The following CFAP221 variants were observed in gnomAD, a reference collection of about 807,000 sequenced individuals.
CFAP221 encodes cilia- and flagella-associated protein 221.
CFAP221 carries 97 observed loss-of-function variants against 113.1 expected under a neutral mutation model. That is an observed-to-expected ratio of 0.86 (90% CI 0.73 to 1.02). The LOEUF (loss-of-function observed/expected upper bound fraction) is 1.02, where lower values mean the gene tolerates loss of function less well. Among genes scored for constraint, CFAP221 ranks in the 50% least tolerant of loss-of-function variants. The pLI, the probability that CFAP221 is intolerant of heterozygous loss-of-function variation, is 0.00. For missense variants in CFAP221, 1,025 were observed against 1,013.4 expected, an observed-to-expected ratio of 1.01 and a Z score of -0.16; for synonymous variants, 331 against 354.4, an observed-to-expected ratio of 0.93 and a Z score of 0.74.
At chr2:119,582,978 A>T (rs934320465) in intron 6 of CFAP221, among the ~76,000 whole-genome samples, 5 of 152,180 alleles carry the variant, frequency 3.3e-5, no homozygotes, top group African/African-American at 1.2e-4. Context: ...AACAAATGAA[A>T]ACCTATTAAA....
At chr2:119,582,500 G>A (rs1682920384) in intron 6 of CFAP221, among the ~76,000 whole-genome samples, 1 of 149,102 alleles carries the variant, frequency 6.7e-6, no homozygotes, top group African/African-American at 2.5e-5. Context: ...CTGTCACCCA[G>A]GCTGGAGTGC....
intron 19 of CFAP221, among the ~76,000 whole-genome samples, chr2:119,636,445 A>C (rs994340731): frequency 2.0e-5 from 3 of 152,342 alleles, no homozygotes; most frequent in Admixed American, 2.0e-4. Context: ...TGTGTGTACC[A>C]TTTCAAGTCA....
chr2:119,578,064 G>C (rs997311134), intron 6 of CFAP221, among the ~76,000 whole-genome samples: 4 of 152,188 alleles, frequency 2.6e-5, no homozygotes, highest in Non-Finnish European at 4.4e-5. Context: ...TGGGAGCTCA[G>C]ATGGCCTGAG....
intron 6 of CFAP221, among the ~76,000 whole-genome samples, chr2:119,566,866 AT>A (rs1166764506): frequency 6.6e-6 from 1 of 151,204 alleles, no homozygotes; most frequent in Non-Finnish European, 1.5e-5. Context: ...TTTAGATTTT[AT>A]TTTTATTGTA....
At position 119,562,258 on chromosome 2, in the gene CFAP221, A is replaced by T. The variant is rs575939281; in HGVS notation, c.527+144A>T. ...GGACTTGTCATTGTAAAAGGCAAAAAAAAAAAAAGCAAAAGCAAAAACCAA... is the reference window on the plus strand; with the variant it reads ...GGACTTGTCATTGTAAAAGGCAAAATAAAAAAAAGCAAAAGCAAAAACCAA... On this transcript the variant is annotated intron_variant, in intron 6 of 23. Transcript: ENST00000413369. The T allele has an allele frequency of 1.7e-5, 10 of 583,814 alleles. 1 individual carries two copies. The highest frequency in any genetic ancestry group is 1.6e-4 in the South Asian group (6 of 37,034). The allele number at this position is 583,814 out of a possible 1,614,324, so 36.2% of individuals were successfully genotyped here.
rs1449345829 is a variant in CFAP221, at chr2:119,556,640, A to G, written c.241-3049A>G. On this transcript the variant is annotated intron_variant, in intron 3 of 23. Coordinates refer to ENST00000413369, the MANE Select transcript of CFAP221 (RefSeq NM_001271049.2). ...GCGATCTCAGCTCACTGCAACCTCC[A>G]CCTCCCAGTTCAAGCGATTCTCCTG... is the stretch of plus-strand genomic sequence containing the variant. 8.8e-5 allele frequency among the ~76,000 whole-genome samples: 13 copies of G among 148,224 alleles called. 1 individual carries two copies. The East Asian group carries it at 2.0e-3, about 23-fold the overall frequency.
At chr2:119,558,854 C>A (rs940962379) in intron 3 of CFAP221, among the ~76,000 whole-genome samples, 7 of 151,886 alleles carry the variant, frequency 4.6e-5, no homozygotes, top group African/African-American at 7.3e-5. Flanking sequence ...ACAACAACAA[C>A]AAAAAAACAC....
At chr2:119,586,779 G>A (rs1465394844) in intron 6 of CFAP221, 3 of 178,972 alleles carry the variant, frequency 1.7e-5, no homozygotes, top group Non-Finnish European at 2.3e-5. Context: ...TCGAGAGGTA[G>A]CAAGGACAGT....
In CFAP221 at chr2:119,639,774, C is replaced by T; in HGVS notation, c.2134-7C>T. On this transcript the variant is annotated splice_region_variant and splice_polypyrimidine_tract_variant and intron_variant, in intron 20 of 23. Transcript: ENST00000413369. ...AGTTGCTTCCCATGTGCTGACTTTC[C>T]TTACAGGACATTATTCCCGGAATAA... The T allele has an allele frequency of 6.2e-7, 1 of 1,612,564 alleles. No individual in the cohort carries two copies. Among genetic ancestry groups the T allele is most frequent in the South Asian group, 1.1e-5 (1 of 91,024 alleles).
intron 6 of CFAP221, among the ~76,000 whole-genome samples, chr2:119,579,552 T>C (rs755744499): frequency 2.6e-5 from 4 of 152,214 alleles, no homozygotes; most frequent in Non-Finnish European, 5.9e-5. Context: ...ACAGCAGTAG[T>C]GAAAGCAAAA....
chr2:119,592,022 A>G lies in CFAP221; in HGVS notation c.631+4800A>G, dbSNP rs1683631621. Among the ~76,000 whole-genome samples the G allele has an allele frequency of 4.6e-5, 7 of 152,340 alleles. No homozygotes were observed. In the South Asian group the frequency reaches 1.5e-3, roughly 32 times the overall value. On this transcript the variant is annotated intron_variant, in intron 7 of 23. Coordinates refer to ENST00000413369, the MANE Select transcript of CFAP221 (RefSeq NM_001271049.2). The stretch of plus-strand genomic sequence containing the variant: ...GTGTTTATTATATAAATATTAAAAC[A>G]CTGAAGAAAAGTACCAAATCCAAGT...
At chr2:119,553,371 G>T (rs980288460) in intron 3 of CFAP221, among the ~76,000 whole-genome samples, 3 of 152,200 alleles carry the variant, frequency 2.0e-5, no homozygotes, top group African/African-American at 4.8e-5. Context: ...TGGAGAAGGT[G>T]AGACATGTGG....
intron 13 of CFAP221, among the ~76,000 whole-genome samples, chr2:119,613,504 G>C (rs925542023): frequency 2.0e-5 from 3 of 152,196 alleles, no homozygotes; most frequent in African/African-American, 7.2e-5. Flanking sequence ...CTGGACTTCT[G>C]TGCACCTACA....
chr2:119,652,948 A>T (rs1688210632), intron 23 of CFAP221, among the ~76,000 whole-genome samples: 2 of 148,466 alleles, frequency 1.3e-5, no homozygotes, highest in Admixed American at 1.3e-4. Context: ...ATATATATTT[A>T]TATTTATATA....
At chr2:119,549,714 T>C (rs1680291179) in intron 3 of CFAP221, among the ~76,000 whole-genome samples, 1 of 152,188 alleles carries the variant, frequency 6.6e-6, no homozygotes, top group Admixed American at 6.5e-5. Context: ...TTTACCTGCG[T>C]GGGTCAGATG....
chr2:119,583,761 G>A (rs115698461), intron 6 of CFAP221, among the ~76,000 whole-genome samples: 2,319 of 152,240 alleles, frequency 0.015, 52 homozygotes, highest in African/African-American at 0.053. Flanking sequence ...GGCCATGAGG[G>A]CAAAGCCCTC....
At chr2:119,621,444 G>T (rs1017270442) in intron 14 of CFAP221, among the ~76,000 whole-genome samples, 1 of 152,126 alleles carries the variant, frequency 6.6e-6, no homozygotes, top group African/African-American at 2.4e-5. Context: ...ATAATAGTGG[G>T]AGACTTTAAC....
At chr2:119,613,962 A>T (rs751319349) in intron 13 of CFAP221, among the ~76,000 whole-genome samples, 2 of 152,204 alleles carry the variant, frequency 1.3e-5, no homozygotes, top group Admixed American at 6.5e-5. Context: ...AATGCTTTTG[A>T]CAGCACCCAA....
chr2:119,557,304 A>C (rs970837107), intron 3 of CFAP221: 3 of 152,228 alleles, frequency 2.0e-5, no homozygotes, highest in Admixed American at 6.5e-5. Context: ...ACTCTGCAAC[A>C]CATATGAACA....
Sources: gnomAD v4.1 joint callset for allele counts (sites outside exome capture counted in the v4.1 genomes callset) on GRCh38, gnomAD v4.1.1 for gene constraint, MANE v1.5 for transcripts, NCBI Gene and HGNC (gene_info 2026-07-23, HGNC 2026-07-21) for gene names.